Variants in NEBL observed in about 807,000 individuals in gnomAD.
NEBL encodes LIM and SH3 protein 2.
NEBL carries 122 observed loss-of-function variants against 140.2 expected under a neutral mutation model. That is an observed-to-expected ratio of 0.87 (90% CI 0.75 to 1.01). The LOEUF (loss-of-function observed/expected upper bound fraction) is 1.01, where lower values mean the gene tolerates loss of function less well. Ranked by LOEUF, NEBL falls within the 50% of genes least tolerant of loss-of-function variation. The pLI is 0.00. For synonymous variants in NEBL, 436 were observed against 398.9 expected, an observed-to-expected ratio of 1.09 and a Z score of -1.11; for missense variants, 1,365 against 1,231.3, an observed-to-expected ratio of 1.11 and a Z score of -1.62.
intron 3 of NEBL, among the ~76,000 whole-genome samples, chr10:21,221,884 G>T (rs994386701): frequency 6.6e-6 from 1 of 151,792 alleles, no homozygotes; most frequent in Non-Finnish European, 1.5e-5. Context: ...TCTTTGTATT[G>T]TTCCTTTTTA....
chr10:21,086,768 C>G (rs1159721081), intron 2 of NEBL, among the ~76,000 whole-genome samples: 1 of 152,060 alleles, frequency 6.6e-6, no homozygotes, highest in Non-Finnish European at 1.5e-5. Flanking sequence ...CACAGCAAGA[C>G]CCTGACTCAA....
chr10:20,873,349 A>T (rs1477560184), intron 5 of NEBL, among the ~76,000 whole-genome samples: 1 of 152,172 alleles, frequency 6.6e-6, no homozygotes, highest in East Asian at 1.9e-4. Context: ...CAGGGAAAAG[A>T]AGAAATCATC....
intron 2 of NEBL, among the ~76,000 whole-genome samples, chr10:21,093,989 C>T (rs953788617): frequency 4.6e-5 from 7 of 152,282 alleles, no homozygotes; most frequent in African/African-American, 1.7e-4. Context: ...CCATAGAAAA[C>T]TATATTTATC....
chr10:20,991,625 A>G (rs575544874), intron 3 of NEBL, among the ~76,000 whole-genome samples: 5 of 150,304 alleles, frequency 3.3e-5, no homozygotes, highest in Admixed American at 3.3e-4. Flanking sequence ...ATTTTTTTCT[A>G]TTTTTATATT....
intron 3 of NEBL, among the ~76,000 whole-genome samples, chr10:20,986,757 T>C (rs1837272634): frequency 6.6e-6 from 1 of 152,256 alleles, no homozygotes; most frequent in Non-Finnish European, 1.5e-5. Flanking sequence ...TATGAATTTC[T>C]ATGATAGATC....
At chr10:20,930,435 C>T (rs886241915) in intron 4 of NEBL, among the ~76,000 whole-genome samples, 1 of 152,310 alleles carries the variant, frequency 6.6e-6, no homozygotes, top group South Asian at 2.1e-4. Context: ...ATTCTTGCAC[C>T]ATAAAACCCA....
chr10:20,792,558 T>A (rs1165281120), intron 26 of NEBL, among the ~76,000 whole-genome samples: 1 of 152,126 alleles, frequency 6.6e-6, no homozygotes, highest in East Asian at 1.9e-4. Flanking sequence ...TCCCAGCACT[T>A]TGGGAGGCCG....
At chr10:21,275,967 TC>T (rs1323492203) in intron 1 of NEBL, among the ~76,000 whole-genome samples, 1 of 141,258 alleles carries the variant, frequency 7.1e-6, no homozygotes, top group Non-Finnish European at 1.5e-5. Context: ...GCCAGCCCTT[TC>T]TTTTTTTTTT....
At chr10:21,158,886 A>C (rs1025393033) in intron 2 of NEBL, among the ~76,000 whole-genome samples, 1 of 152,182 alleles carries the variant, frequency 6.6e-6, no homozygotes, top group Non-Finnish European at 1.5e-5. Flanking sequence ...TTATTATCAC[A>C]ATTATCCTCC....
chr10:20,831,184 T>C lies in NEBL; in HGVS notation c.1671+12A>G, dbSNP rs77445663. Reference sequence around the variant, plus strand: ...GAATACACGATTCTGAGCATCTTCATTCATGACCAACCTGGCTATAGATTT... The same window carrying C: ...GAATACACGATTCTGAGCATCTTCACTCATGACCAACCTGGCTATAGATTT... On this transcript the variant is annotated intron_variant, in intron 16 of 27. Transcript: ENST00000377122. 1.9e-6 allele frequency: 3 copies of C among 1,581,426 alleles called. No individual in the cohort carries two copies. Among genetic ancestry groups the C allele is most frequent in the East Asian group, 2.2e-5 (1 of 44,704 alleles).
chr10:21,080,712 T>A (rs1196554161), intron 2 of NEBL, among the ~76,000 whole-genome samples: 1 of 152,224 alleles, frequency 6.6e-6, no homozygotes, highest in East Asian at 1.9e-4. Context: ...AAAACAGATC[T>A]AGAAGGAGGT....
rs1841198685 is a variant in NEBL at position 21,173,863 on chromosome 10, G to A, written c.-30C>T. On this transcript the variant is annotated 5_prime_UTR_variant, in exon 1 of 7. Transcript: ENST00000417816. The surrounding 1 kb of genome is among the most constrained non-coding windows in gnomAD (Gnocchi z 5.7). ...GCGGTTCCCGGGGGCGGCGGCGGCG[G>A]CGGCTGCTGGCTCCCAGGAGCCGCT... 34 of 1,605,836 alleles carry A rather than the reference G, an allele frequency of 2.1e-5. No homozygotes were observed. The highest frequency in any genetic ancestry group is 2.9e-5 in the Non-Finnish European group (34 of 1,178,508).
chr10:20,992,703 A>C (rs1163874640), intron 3 of NEBL, among the ~76,000 whole-genome samples: 3 of 147,948 alleles, frequency 2.0e-5, no homozygotes, highest in Non-Finnish European at 4.4e-5. Flanking sequence ...ACTATCCTCT[A>C]CTAAAATTTA....
At chr10:20,981,846 G>A (rs1837058222) in intron 3 of NEBL, among the ~76,000 whole-genome samples, 1 of 152,152 alleles carries the variant, frequency 6.6e-6, no homozygotes, top group African/African-American at 2.4e-5. Flanking sequence ...AACAGCCTAT[G>A]AGCCCCTCTT....
At chr10:20,984,359 A>T (rs1211782929) in intron 3 of NEBL, among the ~76,000 whole-genome samples, 1 of 152,218 alleles carries the variant, frequency 6.6e-6, no homozygotes, top group African/African-American at 2.4e-5. Context: ...GGACAAAACT[A>T]AATAATCTAG....
At chr10:21,116,789 C>A (rs1838303700) in intron 2 of NEBL, among the ~76,000 whole-genome samples, 1 of 152,052 alleles carries the variant, frequency 6.6e-6, no homozygotes, top group Non-Finnish European at 1.5e-5. Flanking sequence ...CCCACCTTAA[C>A]CTCTTGAGCA....
chr10:20,886,964 C>T (rs1487874064), intron 4 of NEBL, among the ~76,000 whole-genome samples: 3 of 152,098 alleles, frequency 2.0e-5, no homozygotes, highest in Non-Finnish European at 2.9e-5. Flanking sequence ...GGAACTCTTC[C>T]GAGCACAAGA....
chr10:20,785,373 TG>T lies in NEBL; in HGVS notation c.*373del. ...CATTACAGAGTTAAGAGAATTGGCT[TG>T]GGGTGATTCCAAAGTGACAGCTAAG... On this transcript the variant is annotated 3_prime_UTR_variant, in exon 28 of 28. Transcript: ENST00000377122. The T allele has an allele frequency of 3.4e-6, 1 of 293,884 alleles. No individual in the cohort carries two copies. The highest frequency in any genetic ancestry group is 8.5e-5 in the East Asian group (1 of 11,750). The allele number at this position is 293,884 out of a possible 1,614,324, so 18.2% of individuals were successfully genotyped here. A position where few individuals can be genotyped will look rare whatever the true frequency, so the allele number is the denominator to read the frequency against.
chr10:21,168,305 T>C (rs1840880763), intron 2 of NEBL, among the ~76,000 whole-genome samples: 2 of 152,226 alleles, frequency 1.3e-5, no homozygotes, highest in Admixed American at 1.3e-4. Flanking sequence ...TTTCCAATTC[T>C]TAAGCATATT....
Sources: gnomAD v4.1 joint callset for allele counts (sites outside exome capture counted in the v4.1 genomes callset) on GRCh38, gnomAD v4.1.1 for gene constraint, Gnocchi (gnomAD v3.1) non-coding constraint, MANE v1.5 for transcripts, NCBI Gene and HGNC (gene_info 2026-07-23, HGNC 2026-07-21) for gene names.